NDUFV2: variants seen among roughly 807,000 people sequenced by gnomAD.
NDUFV2 encodes the protein NADH dehydrogenase [ubiquinone] flavoprotein 2, mitochondrial.
A neutral mutation model predicts 31.6 loss-of-function variants in NDUFV2; 18 were observed. The ratio of observed to expected loss-of-function variants is 0.57; its 90% CI spans 0.39 to 0.84. NDUFV2 has a LOEUF of 0.84. Among genes scored for constraint, NDUFV2 ranks in the 40% least tolerant of loss-of-function variants. The pLI, the probability that NDUFV2 is intolerant of heterozygous loss-of-function variation, is 0.00. For synonymous variants in NDUFV2, 83 were observed against 99.8 expected (o/e 0.83, Z 1.01); for missense variants, 314 against 303.6 (o/e 1.03, Z -0.26).
At chr18:9,129,211 G>T (rs1209149231) in intron 7 of NDUFV2, among the ~76,000 whole-genome samples, 1 of 152,130 alleles carries the variant, frequency 6.6e-6, no homozygotes, top group African/African-American at 2.4e-5. Context: ...AAAGTGCTGG[G>T]ATTACAGGCT....
intron 1 of NDUFV2, chr18:9,104,222 G>C: frequency 6.2e-7 from 1 of 1,612,730 alleles, no homozygotes; most frequent in East Asian, 2.2e-5. Context: ...CTCTGCTGTT[G>C]GAGGTAAGGT....
chr18:9,131,937 C>CAA (rs1401734661), intron 7 of NDUFV2, among the ~76,000 whole-genome samples: 1 of 152,012 alleles, frequency 6.6e-6, no homozygotes, highest in Non-Finnish European at 1.5e-5. Context: ...GGCATGTTTA[C>CAA]AGATGAAAGG....
At chr18:9,111,508 A>C (rs2077869738) in intron 1 of NDUFV2, among the ~76,000 whole-genome samples, 1 of 150,542 alleles carries the variant, frequency 6.6e-6, no homozygotes, top group Non-Finnish European at 1.5e-5. Context: ...GGCTCACTGC[A>C]ACCTCTGCAT....
At chr18:9,126,310 A>G (rs1019729789) in intron 6 of NDUFV2, among the ~76,000 whole-genome samples, 3 of 152,200 alleles carry the variant, frequency 2.0e-5, no homozygotes, top group Admixed American at 6.5e-5. Flanking sequence ...ATGTACGTTG[A>G]CACTGTTCTA....
chr18:9,121,625 A>C (rs1311381371), intron 4 of NDUFV2, among the ~76,000 whole-genome samples: 1 of 152,232 alleles, frequency 6.6e-6, no homozygotes, highest in Non-Finnish European at 1.5e-5. Flanking sequence ...ATAATTTTTA[A>C]GAATGCCAGA....
chr18:9,108,851 C>T (rs1568186703), intron 1 of NDUFV2, among the ~76,000 whole-genome samples: 1 of 152,016 alleles, frequency 6.6e-6, no homozygotes. Context: ...CCACCACACC[C>T]GGCTAATTTT....
intron 7 of NDUFV2, among the ~76,000 whole-genome samples, chr18:9,129,041 G>C (rs764246963): frequency 6.6e-6 from 1 of 152,126 alleles, no homozygotes; most frequent in Non-Finnish European, 1.5e-5. Flanking sequence ...AGGCTCAAGC[G>C]ATTCTCCTGC....
chr18:9,130,417 G>A (rs780234043), intron 7 of NDUFV2, among the ~76,000 whole-genome samples: 5 of 152,110 alleles, frequency 3.3e-5, no homozygotes, highest in Non-Finnish European at 5.9e-5. Context: ...AATTATTCGT[G>A]TCCGAATCTC....
At chr18:9,116,232 A>G (rs1469969758) in intron 1 of NDUFV2, among the ~76,000 whole-genome samples, 1 of 152,232 alleles carries the variant, frequency 6.6e-6, no homozygotes, top group Admixed American at 6.5e-5. Flanking sequence ...AGAAAAGAAG[A>G]TAGGAGTGTG....
At chr18:9,132,921 C>CT (rs915297127) in intron 7 of NDUFV2, among the ~76,000 whole-genome samples, 5 of 151,918 alleles carry the variant, frequency 3.3e-5, no homozygotes, top group Admixed American at 6.6e-5. Flanking sequence ...ATACTGTTGT[C>CT]TTTTTTTTAA....
intron 5 of NDUFV2, among the ~76,000 whole-genome samples, chr18:9,124,092 A>T (rs2077964646): frequency 6.6e-6 from 1 of 152,184 alleles, no homozygotes; most frequent in Non-Finnish European, 1.5e-5. Context: ...GCTGTATAAC[A>T]GTAAACACTG....
intron 7 of NDUFV2, among the ~76,000 whole-genome samples, chr18:9,129,486 T>C (rs2078021985): frequency 6.6e-6 from 1 of 152,198 alleles, no homozygotes; most frequent in East Asian, 1.9e-4. Context: ...ATATATCTTC[T>C]AGTGATGGAG....
At chr18:9,118,826 T>G (rs917556878) in intron 2 of NDUFV2, among the ~76,000 whole-genome samples, 5 of 148,582 alleles carry the variant, frequency 3.4e-5, no homozygotes, top group African/African-American at 1.2e-4. Flanking sequence ...TTTTTTTTTT[T>G]TTTTTTTTTT....
At chr18:9,105,504 C>A (rs1448631650) in intron 1 of NDUFV2, among the ~76,000 whole-genome samples, 2 of 152,074 alleles carry the variant, frequency 1.3e-5, no homozygotes, top group African/African-American at 4.8e-5. Flanking sequence ...TCAGTAATTG[C>A]CCATGGTTTT....
chr18:9,126,189 TCA>T (rs1221344042), intron 6 of NDUFV2, among the ~76,000 whole-genome samples: 5 of 152,344 alleles, frequency 3.3e-5, no homozygotes, highest in African/African-American at 1.2e-4. Context: ...AGGTATTCTT[TCA>T]GTTAGCAGTA....
At chr18:9,122,860 A>G (rs1307828406) in intron 5 of NDUFV2, among the ~76,000 whole-genome samples, 179 bp downstream of exon 5, 2 of 152,072 alleles carry the variant, frequency 1.3e-5, no homozygotes, top group Non-Finnish European at 2.9e-5. Flanking sequence ...ATTCTTCCTC[A>G]GTTCTTAGTG....
intron 4 of NDUFV2, chr18:9,121,461 C>T (rs545188647): frequency 6.1e-4 from 93 of 152,064 alleles, no homozygotes; most frequent in African/African-American, 2.0e-3. Flanking sequence ...TCAGAACTGC[C>T]GAATGAAATA....
chr18:9,108,672 CTT>C (rs1243607835), intron 1 of NDUFV2, among the ~76,000 whole-genome samples: 3 of 147,124 alleles, frequency 2.0e-5, no homozygotes, highest in Admixed American at 7.1e-5. Flanking sequence ...CACTGAAAAA[CTT>C]TTGTTTTTCA....
chr18:9,134,124 C>G, intron 7 of NDUFV2, 62 bp from the exon 8 acceptor site: 1 of 1,314,162 alleles, frequency 7.6e-7, no homozygotes, highest in East Asian at 2.4e-5. Context: ...GTAACCATTA[C>G]AATTTAAGTA....
Sources: allele counts gnomAD v4.1 joint callset (sites outside exome capture counted in the v4.1 genomes callset), GRCh38; gene constraint gnomAD v4.1.1; transcripts MANE v1.5; gene names NCBI Gene and HGNC (gene_info 2026-07-23, HGNC 2026-07-21).